TIAM1: variants seen among roughly 807,000 people sequenced by gnomAD.
TIAM1 encodes the protein TIAM Rac1 associated GEF 1.
A neutral mutation model predicts 163.5 loss-of-function variants in TIAM1; 65 were observed. The observed-to-expected ratio is 0.40, with a 90% confidence interval of 0.33 to 0.49. The LOEUF (loss-of-function observed/expected upper bound fraction) is 0.49. Ranked by LOEUF, TIAM1 falls within the 20% of genes least tolerant of loss-of-function variation. The pLI, the probability that TIAM1 is intolerant of heterozygous loss-of-function variation, is 0.77. For synonymous variants in TIAM1, 833 were observed against 810.1 expected (o/e 1.03, Z -0.48); for missense variants, 1,789 against 2,044.7 (o/e 0.87, Z 2.41).
At chr21:31,260,700 G>GAAAAAAAAAAAAAAAAAAAAAAA (rs36041797) in intron 4 of TIAM1, among the ~76,000 whole-genome samples, 1 of 120,932 alleles carries the variant, frequency 8.3e-6, no homozygotes, top group Non-Finnish European at 1.7e-5. Flanking sequence ...AAAGAGAAAA[G>GAAAAAAAAAAAAAAAAAAAAAAA]AAAAAAAAAA....
intron 13 of TIAM1, among the ~76,000 whole-genome samples, chr21:31,190,254 T>A (rs369224757): frequency 7.0e-4 from 107 of 152,040 alleles, no homozygotes; most frequent in Admixed American, 1.0e-3. Context: ...AAATTTTTTT[T>A]AAAAAATTAG....
intron 2 of TIAM1, among the ~76,000 whole-genome samples, chr21:31,411,359 G>A (rs1000441975): frequency 6.6e-6 from 1 of 151,966 alleles, no homozygotes; most frequent in Non-Finnish European, 1.5e-5. Flanking sequence ...TAAGAGGCCA[G>A]CAAAGAAGTA....
rs572236972 is a variant in TIAM1 at position 31,296,724 on chromosome 21, T to C, written c.-188-19816A>G. On this transcript the variant is annotated intron_variant, in intron 2 of 27. Coordinates refer to ENST00000541036, the MANE Select transcript of TIAM1 (RefSeq NM_001353694.2). ...TGTCACCCAGGCTGGAGTGCAGTGG[T>C]GCGATCTCAGCTTACTGCAACCTCT... Among the ~76,000 whole-genome samples, 3 of 151,926 alleles carry C rather than the reference T, an allele frequency of 2.0e-5. No homozygotes were observed. The South Asian group carries it at 6.2e-4, about 32-fold the overall frequency.
intron 2 of TIAM1, chr21:31,452,432 AAAC>A (rs1220651368): frequency 5.4e-5 from 21 of 387,320 alleles, no homozygotes; most frequent in Admixed American, 1.1e-4. Context: ...CCCTATTTCG[AAAC>A]AACAACAACA....
chr21:31,253,951 T>A (rs539719391), intron 4 of TIAM1, among the ~76,000 whole-genome samples: 2 of 152,226 alleles, frequency 1.3e-5, no homozygotes, highest in East Asian at 3.9e-4. Flanking sequence ...CAATTGTTGA[T>A]TATTCAGGAT....
Position 31,187,070 on chromosome 21 carries a change from C to T in TIAM1, c.2593G>A (p.Val865Met), listed in dbSNP as rs2085338785. 3 of 1,614,090 alleles carry T rather than the reference C, an allele frequency of 1.9e-6. No homozygotes were observed. The highest frequency in any genetic ancestry group is 3.3e-5 in the Admixed American group (2 of 60,028). ...ADTYGFSLSS[V>M]EEDGIRRLYV... ...AGCCTTCGAATACCATCTTCTTCCA[C>T]AGAAGAAAGTGAAAACCCTGTGAAA... The change falls in exon 14 of 28, where the codon GTG (valine) becomes ATG (methionine). Residue 865 changes from valine (V) to methionine (M), a missense_variant. Physicochemically the swap from Val to Met is conservative, Grantham distance 21. This residue lies in a region of TIAM1 where 456 missense variants were observed against 586.6 expected (regional missense o/e 0.78). Transcript: ENST00000541036.
intron 2 of TIAM1, among the ~76,000 whole-genome samples, chr21:31,305,168 C>T (rs1317515778): frequency 1.3e-5 from 2 of 152,094 alleles, no homozygotes; most frequent in Admixed American, 1.3e-4. Context: ...GTTCATTAGG[C>T]CCTCACTCCA....
At chr21:31,221,221 T>C (rs1430657393) in intron 8 of TIAM1, among the ~76,000 whole-genome samples, 2 of 152,032 alleles carry the variant, frequency 1.3e-5, no homozygotes, top group African/African-American at 4.8e-5. Flanking sequence ...AAGCAACAAA[T>C]AGGAACAGAC....
At chr21:31,155,670 A>AT (rs965685948) in intron 16 of TIAM1, among the ~76,000 whole-genome samples, 20 of 151,730 alleles carry the variant, frequency 1.3e-4, no homozygotes, top group East Asian at 1.9e-4. Context: ...ACGCCCGGCT[A>AT]TTTTTTTGTA....
intron 2 of TIAM1, among the ~76,000 whole-genome samples, chr21:31,350,615 C>T (rs544262982): frequency 6.6e-6 from 1 of 152,224 alleles, no homozygotes; most frequent in African/African-American, 2.4e-5. Flanking sequence ...CTCCCCGCAT[C>T]TCTCTTTTGC....
chr21:31,464,518 G>C (rs372979018), intron 1 of TIAM1, among the ~76,000 whole-genome samples: 1 of 152,010 alleles, frequency 6.6e-6, no homozygotes, highest in Non-Finnish European at 1.5e-5. Context: ...GACCAGTCTC[G>C]GCAACACGGC....
intron 1 of TIAM1, among the ~76,000 whole-genome samples, chr21:31,464,626 C>T (rs1460278411): frequency 3.3e-5 from 5 of 149,862 alleles, no homozygotes; most frequent in South Asian, 4.3e-4. Context: ...GTGGATCACT[C>T]GAGGTCAGAA....
intron 2 of TIAM1, among the ~76,000 whole-genome samples, chr21:31,367,193 C>A (rs565427800): frequency 6.6e-6 from 1 of 152,198 alleles, no homozygotes; most frequent in Admixed American, 6.5e-5. Context: ...AAGAAGGGCA[C>A]AAACAGAGCA....
At chr21:31,428,747 A>G (rs1046427894) in intron 2 of TIAM1, among the ~76,000 whole-genome samples, 3 of 151,628 alleles carry the variant, frequency 2.0e-5, no homozygotes, top group East Asian at 4.0e-4. Context: ...GCCAGGCATA[A>G]TGGCACATGC....
intron 13 of TIAM1, among the ~76,000 whole-genome samples, chr21:31,192,971 G>A (rs1448281980): frequency 6.6e-6 from 1 of 152,124 alleles, no homozygotes; most frequent in Non-Finnish European, 1.5e-5. Flanking sequence ...TCGAGCCACC[G>A]GGCTTTGGTG....
chr21:31,337,807 G>A (rs1428031437), intron 2 of TIAM1, among the ~76,000 whole-genome samples: 1 of 151,994 alleles, frequency 6.6e-6, no homozygotes, highest in Non-Finnish European at 1.5e-5. Context: ...TGGGATTACG[G>A]GTGTGAGCCA....
At chr21:31,500,938 C>T (rs917939380) in intron 1 of TIAM1, among the ~76,000 whole-genome samples, 1 of 152,196 alleles carries the variant, frequency 6.6e-6, no homozygotes, top group African/African-American at 2.4e-5. Flanking sequence ...CTCCCCTCTA[C>T]AAAAACCAAA....
At chr21:31,233,750 A>T (rs1314539169) in intron 6 of TIAM1, among the ~76,000 whole-genome samples, 1 of 152,158 alleles carries the variant, frequency 6.6e-6, no homozygotes, top group African/African-American at 2.4e-5. Context: ...CCCCACTGAA[A>T]ATGGTGATAT....
intron 11 of TIAM1, among the ~76,000 whole-genome samples, chr21:31,204,779 T>C (rs1601537457): frequency 6.6e-6 from 1 of 152,362 alleles, no homozygotes; most frequent in South Asian, 2.1e-4. Flanking sequence ...CCTGCATTCT[T>C]GTAAAAGCAC....
Sources: gnomAD v4.1 joint callset for allele counts (sites outside exome capture counted in the v4.1 genomes callset) on GRCh38, gnomAD v4.1.1 for gene constraint, gnomAD v4.1.1 regional missense constraint, MANE v1.5 for transcripts, NCBI Gene and HGNC (gene_info 2026-07-23, HGNC 2026-07-21) for gene names.